PRORP: variants seen among roughly 807,000 people sequenced by gnomAD.
PRORP encodes protein only RNase P catalytic subunit.
A neutral mutation model predicts 59.4 loss-of-function variants in PRORP; 51 were observed. That is an observed-to-expected ratio of 0.86 (90% CI 0.69 to 1.08). PRORP has a LOEUF of 1.08. Among genes scored for constraint, PRORP ranks in the 50% least tolerant of loss-of-function variants. The pLI is 0.00. For missense variants in PRORP, 646 were observed against 690.3 expected, an observed-to-expected ratio of 0.94 and a Z score of 0.72; for synonymous variants, 231 against 245.6, an observed-to-expected ratio of 0.94 and a Z score of 0.55.
Position 35,273,774 on chromosome 14 carries a change from CT to C in PRORP, c.*210del. The C allele has an allele frequency of 2.7e-6, 1 of 377,156 alleles. No individual in the cohort carries two copies. The highest frequency in any genetic ancestry group is 4.6e-6 in the Non-Finnish European group (1 of 215,676). The allele number at this position is 377,156 out of a possible 1,614,324, so 23.4% of individuals were successfully genotyped here. On this transcript the variant is annotated 3_prime_UTR_variant, in exon 8 of 8. Coordinates refer to ENST00000534898, the MANE Select transcript of PRORP (RefSeq NM_014672.4). Reference sequence around the variant, plus strand: ...TTCCCCTAACATTTGTTTTTGGAGGCTTATCAAGAGTTGGAGAACTTAGTGT... The same window carrying C: ...TTCCCCTAACATTTGTTTTTGGAGGCTATCAAGAGTTGGAGAACTTAGTGT...
At chr14:35,169,771 GGTCT>G (rs897883390) in intron 4 of PRORP, among the ~76,000 whole-genome samples, 1 of 152,144 alleles carries the variant, frequency 6.6e-6, no homozygotes, top group African/African-American at 2.4e-5. Flanking sequence ...GCCTACTTGT[GGTCT>G]GTCTTAGTAG....
intron 5 of PRORP, among the ~76,000 whole-genome samples, chr14:35,244,769 T>G (rs1205536638): frequency 1.3e-5 from 2 of 152,204 alleles, no homozygotes; most frequent in African/African-American, 2.4e-5. Flanking sequence ...GTTTAACCTC[T>G]TCTAACCTCG....
At chr14:35,201,296 A>C (rs1161021211) in intron 5 of PRORP, among the ~76,000 whole-genome samples, 33 of 152,338 alleles carry the variant, frequency 2.2e-4, no homozygotes, top group Non-Finnish European at 1.0e-4. Context: ...TTCAGAAGGA[A>C]GTCACTATGT....
intron 4 of PRORP, among the ~76,000 whole-genome samples, chr14:35,128,320 T>G (rs980272634): frequency 6.6e-6 from 1 of 151,716 alleles, no homozygotes; most frequent in Non-Finnish European, 1.5e-5. Flanking sequence ...TTGCTGTGTC[T>G]TTGTCTGGTT....
chr14:35,224,599 T>C (rs2049884882), intron 5 of PRORP, among the ~76,000 whole-genome samples: 1 of 152,334 alleles, frequency 6.6e-6, no homozygotes, highest in South Asian at 2.1e-4. Flanking sequence ...ATGCAGCCTC[T>C]CCAATATATT....
chr14:35,262,647 T>C, intron 5 of PRORP: 1 of 759,634 alleles, frequency 1.3e-6, no homozygotes, highest in Admixed American at 1.7e-5. Context: ...GTGGGGAAAC[T>C]GAAAGGAACT....
At chr14:35,261,335 G>A (rs557459259) in intron 5 of PRORP, among the ~76,000 whole-genome samples, 4 of 152,300 alleles carry the variant, frequency 2.6e-5, no homozygotes, top group African/African-American at 4.8e-5. Context: ...GTTGCACTTA[G>A]TGGGAGACAT....
chr14:35,266,762 T>G lies in PRORP; in HGVS notation c.1311T>G (p.Asn437Lys), dbSNP rs1408152768. 2 of 1,614,128 alleles carry G rather than the reference T, an allele frequency of 1.2e-6. No individual in the cohort carries two copies. Among genetic ancestry groups the G allele is most frequent in the Middle Eastern group, 1.6e-4 (1 of 6,062 alleles). The change falls in exon 6 of 8, where the codon AAT becomes AAG. Residue 437 changes from asparagine (N) to lysine (K), a missense_variant. Physicochemically the swap from Asn to Lys is moderately conservative, Grantham distance 94. Coordinates refer to ENST00000534898, the MANE Select transcript of PRORP (RefSeq NM_014672.4). ...TCGTCTCTCAACTAGCCAAACGGAATCTGCGACTGCTGGTCCTAGGCCGGA... is the reference window on the plus strand; with the variant it reads ...TCGTCTCTCAACTAGCCAAACGGAAGCTGCGACTGCTGGTCCTAGGCCGGA... ...LNVVSQLAKR[N>K]LRLLVLGRKH...
At chr14:35,157,940 C>CA (rs1326464743) in intron 4 of PRORP, 1 of 192,490 alleles carries the variant, frequency 5.2e-6, no homozygotes, top group African/African-American at 2.4e-5. Flanking sequence ...TGAAGGTTCT[C>CA]AAAGAGTTTT....
At chr14:35,126,260 TC>T (rs2047095207) in intron 2 of PRORP, among the ~76,000 whole-genome samples, 1 of 152,302 alleles carries the variant, frequency 6.6e-6, no homozygotes, top group Admixed American at 6.5e-5. Context: ...AACAAATACA[TC>T]AATACATAGT....
chr14:35,128,860 C>G (rs1336068694), intron 4 of PRORP, among the ~76,000 whole-genome samples: 1 of 152,012 alleles, frequency 6.6e-6, no homozygotes. Context: ...TATTTAGTCT[C>G]TCCATTTTGG....
In PRORP at chr14:35,123,341, T is replaced by G; in HGVS notation, c.96T>G (p.Phe32Leu). 6.2e-7 allele frequency: 1 copy of G among 1,614,116 alleles called. No homozygotes were observed. Among genetic ancestry groups the G allele is most frequent in the African/African-American group, 1.3e-5 (1 of 75,074 alleles). The stretch of plus-strand genomic sequence containing the variant: ...CAGGGCACTCTTATGTCTCGCTGTT[T>G]CTGGCAGACCGCTGTGGCATCAGGA... ...LGPGHSYVSL[F>L]LADRCGIRNQ... Residue 32 changes from phenylalanine to leucine, a missense_variant, in exon 2 of 8, where the codon TTT (phenylalanine) becomes TTG (leucine). Phe to Leu is a conservative substitution (Grantham distance 22). Transcript: ENST00000534898.
chr14:35,152,266 C>G (rs2047776596), intron 4 of PRORP, among the ~76,000 whole-genome samples: 2 of 152,234 alleles, frequency 1.3e-5, no homozygotes, highest in South Asian at 4.1e-4. Flanking sequence ...CATAGATCAA[C>G]AGCATCCCAA....
intron 5 of PRORP, among the ~76,000 whole-genome samples, chr14:35,256,167 C>G (rs1458491133): frequency 1.1e-4 from 16 of 149,516 alleles, no homozygotes; most frequent in East Asian, 2.0e-4. Flanking sequence ...ACCTGTAATC[C>G]CAGATGCTCG....
intron 5 of PRORP, among the ~76,000 whole-genome samples, chr14:35,184,145 C>T (rs2048686189): frequency 6.8e-6 from 1 of 147,312 alleles, no homozygotes; most frequent in South Asian, 2.2e-4. Flanking sequence ...CTAGTATTCT[C>T]TGTAAGTTCA....
At chr14:35,177,244 G>A (rs1420985201) in intron 4 of PRORP, among the ~76,000 whole-genome samples, 1 of 152,146 alleles carries the variant, frequency 6.6e-6, no homozygotes, top group Admixed American at 6.5e-5. Flanking sequence ...GTATCAGGAT[G>A]ATGTTGGCCT....
At chr14:35,157,720 C>T (rs900648217) in intron 4 of PRORP, among the ~76,000 whole-genome samples, 14 of 152,114 alleles carry the variant, frequency 9.2e-5, no homozygotes, top group Admixed American at 9.2e-4. Context: ...ACACAACACC[C>T]TAAACAATTC....
intron 5 of PRORP, among the ~76,000 whole-genome samples, chr14:35,266,507 C>A (rs144699349): frequency 6.6e-6 from 1 of 152,028 alleles, no homozygotes; most frequent in African/African-American, 2.4e-5. Flanking sequence ...GAAACCCCCC[C>A]CTGCAATGTA....
intron 2 of PRORP, among the ~76,000 whole-genome samples, chr14:35,124,659 A>AT (rs1378469185): frequency 3.4e-5 from 5 of 147,406 alleles, no homozygotes; most frequent in Non-Finnish European, 7.5e-5. Context: ...TAATTTTTAC[A>AT]TTTTTTTCCT....
Sources: gnomAD v4.1 joint callset for allele counts (sites outside exome capture counted in the v4.1 genomes callset) on GRCh38, gnomAD v4.1.1 for gene constraint, MANE v1.5 for transcripts, NCBI Gene and HGNC (gene_info 2026-07-23, HGNC 2026-07-21) for gene names.